The following ZNF614 variants were observed in gnomAD, a reference collection of about 807,000 sequenced individuals.
ZNF614 encodes the protein zinc finger protein 614.
A neutral mutation model predicts 12.8 loss-of-function variants in ZNF614; 11 were observed. That is an observed-to-expected ratio of 0.86 (90% CI 0.54 to 1.43). The LOEUF (loss-of-function observed/expected upper bound fraction) is 1.43. Among genes scored for constraint, ZNF614 ranks in the 40% most tolerant of loss-of-function variants. The pLI, the probability that ZNF614 is intolerant of heterozygous loss-of-function variation, is 0.00. For synonymous variants in ZNF614, 237 were observed against 237.5 expected (o/e 1.00, Z 0.02); for missense variants, 664 against 708.8 (o/e 0.94, Z 0.72).
chr19:52,025,730 C>T lies in ZNF614; in HGVS notation c.15+1G>A, dbSNP rs1198476403. 1.9e-6 allele frequency: 3 copies of T among 1,613,944 alleles called. No homozygotes were observed. Among genetic ancestry groups the T allele is most frequent in the East Asian group, 2.2e-5 (1 of 44,850 alleles). ...TCAAAAAATCAAAGGGAAAATATCACCTGGGTCTTGATCATTTTCTTCTGT... is the reference window on the plus strand; with the variant it reads ...TCAAAAAATCAAAGGGAAAATATCATCTGGGTCTTGATCATTTTCTTCTGT... On this transcript the variant is annotated splice_donor_variant, in intron 2 of 4. Transcript: ENST00000270649. LOFTEE classifies it high-confidence loss of function.
rs1010927075 is a variant in ZNF614 at position 52,028,342 on chromosome 19, A to C, written c.-317T>G. On this transcript the variant is annotated 5_prime_UTR_variant, in exon 1 of 5. Transcript: ENST00000270649. The stretch of plus-strand genomic sequence containing the variant: ...GACGCGCTCCTGCGCGGACTCCGGG[A>C]AGCTGAGCGGTAAAGACCGTGAAGC... The C allele has an allele frequency of 6.8e-6, 1 of 146,006 alleles. No homozygotes were observed. The highest frequency in any genetic ancestry group is 1.5e-5 in the Non-Finnish European group (1 of 65,646). The allele number at this position is 146,006 out of a possible 1,614,324, so 9.0% of individuals were successfully genotyped here.
chr19:52,018,483 G>A lies in ZNF614; in HGVS notation c.27C>T (p.Thr9=), dbSNP rs754672065. MIKTQESL[T]LEDVAVEFSW... ...TGAATTCCACAGCCACATCCTCCAGGGTCAGTGATTCCTGTAATTACAAAG... is the reference window on the plus strand; with the variant it reads ...TGAATTCCACAGCCACATCCTCCAGAGTCAGTGATTCCTGTAATTACAAAG... Residue 9 remains threonine (T), a synonymous_variant, in exon 3 of 5, where the codon ACC becomes ACT. Transcript: ENST00000270649. 6 of 1,613,628 alleles carry A rather than the reference G, an allele frequency of 3.7e-6. No individual in the cohort carries two copies. In the Admixed American group the frequency reaches 5.0e-5, roughly 13 times the overall value.
rs1028586998 is a variant in ZNF614 at position 52,014,990 on chromosome 19, C to T, written c.*850G>A. 6.6e-6 allele frequency: 1 copy of T among 152,136 alleles called. No homozygotes were observed. The highest frequency in any genetic ancestry group is 1.5e-5 in the Non-Finnish European group (1 of 68,026). The allele number at this position is 152,136 out of a possible 1,614,324, so 9.4% of individuals were successfully genotyped here. A position where few individuals can be genotyped will look rare whatever the true frequency, so the allele number is the denominator to read the frequency against. ...AGGAACAAAGACCAAATGTATTTCT[C>T]ATTATACCACAATTTTACACAACAG... On this transcript the variant is annotated 3_prime_UTR_variant, in exon 5 of 5. Transcript: ENST00000270649.
chr19:52,017,527 C>A (rs1017183834), intron 4 of ZNF614, 168 bp from the exon 5 acceptor site: 51 of 590,954 alleles, frequency 8.6e-5, no homozygotes, highest in Non-Finnish European at 1.4e-4. Context: ...TGTGGTGAAA[C>A]CCCGTCTCTA....
intron 2 of ZNF614, among the ~76,000 whole-genome samples, chr19:52,024,177 TA>T (rs1274062145): frequency 2.6e-5 from 4 of 152,156 alleles, no homozygotes; most frequent in African/African-American, 7.2e-5. Context: ...TACCCTTTCA[TA>T]ATAAGCCAGT....
At chr19:52,022,325 G>A (rs780273316) in intron 2 of ZNF614, among the ~76,000 whole-genome samples, 15 of 150,808 alleles carry the variant, frequency 9.9e-5, no homozygotes, top group Non-Finnish European at 1.5e-4. Context: ...AGTGAGAAGC[G>A]CCTCTGCCTA....
At chr19:52,026,710 TCGTCCC>T (rs2086976648) in intron 1 of ZNF614, among the ~76,000 whole-genome samples, 1 of 152,208 alleles carries the variant, frequency 6.6e-6, no homozygotes, top group South Asian at 2.1e-4. Flanking sequence ...TGTCTCCTCC[TCGTCCC>T]TGGGAATGGA....
intron 2 of ZNF614, among the ~76,000 whole-genome samples, chr19:52,024,134 A>C (rs975487238): frequency 9.2e-5 from 14 of 152,150 alleles, no homozygotes; most frequent in African/African-American, 3.4e-4. Flanking sequence ...TACCTGACCT[A>C]TGCATCTTTT....
rs1170425111 is a variant in ZNF614 at position 52,016,925 on chromosome 19, T to C, written c.673A>G (p.Asn225Asp). The change falls in exon 5 of 5, where the codon AAC (asparagine) becomes GAC (aspartate). Residue 225 changes from asparagine to aspartate, a missense_variant. Coordinates refer to ENST00000270649, the MANE Select transcript of ZNF614 (RefSeq NM_025040.4). ...CCAGGATTCTCTTGTATACAAATGT[T>C]CTCATGGTAAATGAGCTGAGACTTC... ...LRKSQLIYHE[N>D]ICIQENPGSG... 1 of 1,614,084 alleles carries C rather than the reference T, an allele frequency of 6.2e-7. No individual in the cohort carries two copies. Among genetic ancestry groups the C allele is most frequent in the African/African-American group, 1.3e-5 (1 of 74,940 alleles).
intron 1 of ZNF614, among the ~76,000 whole-genome samples, chr19:52,026,903 C>A (rs2086978672): frequency 6.6e-6 from 1 of 152,298 alleles, no homozygotes; most frequent in Admixed American, 6.5e-5. Context: ...ACACAGAGAC[C>A]TTTGTTCACA....
At position 52,016,038 on chromosome 19, in the gene ZNF614, G is replaced by A. The variant is rs768709180; in HGVS notation, c.1560C>T (p.Phe520=). The A allele has an allele frequency of 2.5e-6, 4 of 1,614,164 alleles. No homozygotes were observed. Among genetic ancestry groups the A allele is most frequent in the Non-Finnish European group, 2.5e-6 (3 of 1,180,024 alleles). Residue 520 remains phenylalanine, a synonymous_variant, in exon 5 of 5, where the codon TTC becomes TTT. Coordinates refer to ENST00000270649, the MANE Select transcript of ZNF614 (RefSeq NM_025040.4). The stretch of plus-strand genomic sequence containing the variant: ...GTACATTGAGTACTGACTTTGTGGT[G>A]AAGGCTTTTCCACATTCATTGCACT... ...PYECNECGKA[F]TTKSVLNVHQ...
intron 1 of ZNF614, among the ~76,000 whole-genome samples, chr19:52,026,586 G>C (rs151072139): frequency 1.3e-5 from 2 of 152,134 alleles, no homozygotes; most frequent in African/African-American, 4.8e-5. Context: ...ATATGGCCTC[G>C]TGGGAAGGGA....
Position 52,015,887 on chromosome 19 carries a change from C to T in ZNF614, c.1711G>A (p.Val571Ile). ...GACTCTCCATTACAGGAGTTTTCAA[C>T]TTGACTGATTCTACCCATTTCTCTT... ...HTREMGRISQ[V>I]ENSCNGESQL... is the part of the protein sequence containing the mutation. Residue 571 changes from valine (V) to isoleucine (I), a missense_variant, in exon 5 of 5, where the codon GTT (valine) becomes ATT (isoleucine). By Grantham distance (29) the Val-to-Ile change is conservative. Transcript: ENST00000270649. 1 of 1,613,950 alleles carries T rather than the reference C, an allele frequency of 6.2e-7. No individual in the cohort carries two copies. The highest frequency in any genetic ancestry group is 8.5e-7 in the Non-Finnish European group (1 of 1,179,892).
At chr19:52,025,679 G>A in intron 2 of ZNF614, 52 bp downstream of exon 2, 1 of 1,603,132 alleles carries the variant, frequency 6.2e-7, no homozygotes, top group Non-Finnish European at 8.5e-7. Flanking sequence ...AAGTTCAACT[G>A]ACTTCTTCAG....
chr19:52,022,842 T>C (rs2086940752), intron 2 of ZNF614, among the ~76,000 whole-genome samples: 2 of 151,936 alleles, frequency 1.3e-5, no homozygotes, highest in South Asian at 4.1e-4. Flanking sequence ...GAAGAGGGTG[T>C]GCCAAGCTTC....
rs754376822 is a variant in ZNF614 at position 52,017,204 on chromosome 19, A to C, written c.394T>G (p.Leu132Val). 6.8e-6 allele frequency: 11 copies of C among 1,614,168 alleles called. No individual in the cohort carries two copies. The highest frequency in any genetic ancestry group is 1.6e-4 in the Middle Eastern group (1 of 6,062). ...CTTGATTTCAAATTTTTTCTGTACAAGTCAAATGTATCATGATTTTGCACT... is the reference window on the plus strand; with the variant it reads ...CTTGATTTCAAATTTTTTCTGTACACGTCAAATGTATCATGATTTTGCACT... ...PIVQNHDTFD[L>V]YRKNLKSSLS... is the part of the protein sequence containing the mutation. Residue 132 changes from leucine to valine, a missense_variant, in exon 5 of 5, where the codon TTG (leucine) becomes GTG (valine). Coordinates refer to ENST00000270649, the MANE Select transcript of ZNF614 (RefSeq NM_025040.4).
intron 1 of ZNF614, among the ~76,000 whole-genome samples, chr19:52,027,481 T>C (rs141504086): frequency 0.011 from 1,612 of 152,332 alleles, 15 homozygotes; most frequent in Non-Finnish European, 0.015. Context: ...ATTTAAGCCA[T>C]GCCAAATTGT....
In ZNF614 at chr19:52,015,752, G is replaced by C. The variant is rs45530237; in HGVS notation, c.*88C>G. ...ACCATGTTTATGTTCCAATTGGCTA[G>C]AAACACACTGATGTTTAATGAAGTC... On this transcript the variant is annotated 3_prime_UTR_variant, in exon 5 of 5. Coordinates refer to ENST00000270649, the MANE Select transcript of ZNF614 (RefSeq NM_025040.4). 0.096 allele frequency: 122,751 copies of C among 1,273,198 alleles called. 7,673 individuals carry two copies. The highest frequency in any genetic ancestry group is 0.25 in the South Asian group (17,044 of 69,378). The allele number at this position is 1,273,198 out of a possible 1,614,324, so 78.9% of individuals were successfully genotyped here.
Position 52,025,955 on chromosome 19 carries a change from C to T in ZNF614, c.-210G>A, listed in dbSNP as rs1197769122. On this transcript the variant is annotated 5_prime_UTR_variant, in exon 2 of 5. Transcript: ENST00000270649. ...TTATTTTGCTTCTGGGAGCCAGGAC[C>T]TGAGGACTGATAAACAAAATGGCTT... 3.6e-6 allele frequency: 2 copies of T among 557,172 alleles called. No homozygotes were observed. Among genetic ancestry groups the T allele is most frequent in the Admixed American group, 3.3e-5 (1 of 30,544 alleles). The allele number at this position is 557,172 out of a possible 1,614,324, so 34.5% of individuals were successfully genotyped here.
Sources: gnomAD v4.1 joint callset for allele counts (sites outside exome capture counted in the v4.1 genomes callset) on GRCh38, gnomAD v4.1.1 for gene constraint, MANE v1.5 for transcripts, NCBI Gene and HGNC (gene_info 2026-07-23, HGNC 2026-07-21) for gene names.